CSMD3: variants seen among roughly 807,000 people sequenced by gnomAD.
The protein encoded by CSMD3 is CUB and sushi domain-containing protein 3.
Under a neutral mutation model 435.2 loss-of-function variants are expected in CSMD3, and 177 were observed. The observed-to-expected ratio is 0.41, with a 90% CI of 0.36 to 0.46. The LOEUF (loss-of-function observed/expected upper bound fraction) is 0.46, where lower values mean the gene tolerates loss of function less well. Ranked by LOEUF, CSMD3 falls within the 20% of genes least tolerant of loss-of-function variation. The probability of loss-of-function intolerance (pLI) is 0.34; values close to 1 mark genes in which losing one functional copy is unlikely to be tolerated. For synonymous variants in CSMD3, 1,656 were observed against 1,520.5 expected, an observed-to-expected ratio of 1.09 and a Z score of -2.07; for missense variants, 4,265 against 4,504.6, an observed-to-expected ratio of 0.95 and a Z score of 1.52.
chr8:112,905,153 T>C (rs10112430), intron 10 of CSMD3, among the ~76,000 whole-genome samples: 2,097 of 151,422 alleles, frequency 0.014, 54 homozygotes, highest in African/African-American at 0.048. Flanking sequence ...CCTTAGCTTA[T>C]GATGTTTTGG....
chr8:113,267,746 T>C (rs1237177964), intron 3 of CSMD3, among the ~76,000 whole-genome samples: 2 of 151,596 alleles, frequency 1.3e-5, no homozygotes, highest in Admixed American at 1.3e-4. Context: ...ACCCTAAATA[T>C]CTGACTCAAT....
At position 112,645,140 on chromosome 8, in the gene CSMD3, A is replaced by G. The variant is rs373051071; in HGVS notation, c.3279T>C (p.Cys1093=). ...CATGGGTTACATCAACAGTCCATGT[A>G]CAATTCAGAGAATTTGGATAAAATT... ...YPEFYPNSLN[C]TWTVDVTHGK... The change falls in exon 20 of 71, where the codon TGT becomes TGC. Residue 1093 remains cysteine, a synonymous_variant. Coordinates refer to ENST00000297405, the MANE Select transcript of CSMD3 (RefSeq NM_198123.2). The G allele has an allele frequency of 8.7e-5, 139 of 1,599,926 alleles. No individual in the cohort carries two copies. Among genetic ancestry groups the G allele is most frequent in the Non-Finnish European group, 1.1e-4 (131 of 1,167,258 alleles).
chr8:112,535,371 C>A (rs1825967918), intron 27 of CSMD3, among the ~76,000 whole-genome samples: 2 of 152,050 alleles, frequency 1.3e-5, no homozygotes, highest in Non-Finnish European at 2.9e-5. Context: ...TTCTTATACA[C>A]CAATAACAGA....
At chr8:113,099,581 A>G (rs908562972) in intron 4 of CSMD3, among the ~76,000 whole-genome samples, 2 of 152,122 alleles carry the variant, frequency 1.3e-5, no homozygotes, top group African/African-American at 4.8e-5. Flanking sequence ...AAATCAAACA[A>G]TGTATCTTTT....
At chr8:112,921,877 C>A in intron 9 of CSMD3, 126 bp from the exon 10 acceptor site, 1 of 732,054 alleles carries the variant, frequency 1.4e-6, no homozygotes, top group East Asian at 2.7e-5. Flanking sequence ...TTTTGGAAAA[C>A]AAAATGTGAA....
chr8:112,445,205 C>T (rs117852635), intron 32 of CSMD3, among the ~76,000 whole-genome samples: 104 of 152,106 alleles, frequency 6.8e-4, no homozygotes, highest in East Asian at 4.3e-3. Context: ...ATTGCACCAC[C>T]GCACTCCAGC....
chr8:112,435,733 T>A (rs1031095385), intron 32 of CSMD3, among the ~76,000 whole-genome samples: 5 of 152,022 alleles, frequency 3.3e-5, no homozygotes, highest in African/African-American at 1.2e-4. Context: ...ACTTTCAAGA[T>A]AACTTAAAAA....
At chr8:113,249,453 T>C (rs1018111158) in intron 3 of CSMD3, among the ~76,000 whole-genome samples, 1 of 152,008 alleles carries the variant, frequency 6.6e-6, no homozygotes, top group African/African-American at 2.4e-5. Context: ...AGATAGTAGT[T>C]ACTTGCCTCC....
chr8:113,297,693 C>G (rs1156957238), intron 2 of CSMD3, among the ~76,000 whole-genome samples: 5 of 151,976 alleles, frequency 3.3e-5, no homozygotes, highest in Admixed American at 2.6e-4. Flanking sequence ...CAAAAAGATT[C>G]ATAGTCTATT....
intron 3 of CSMD3, among the ~76,000 whole-genome samples, chr8:113,272,178 G>A (rs1327371015): frequency 1.3e-5 from 2 of 152,158 alleles, no homozygotes; most frequent in African/African-American, 4.8e-5. Context: ...TTTGGACTGT[G>A]GACTTCTGGG....
At chr8:112,784,537 A>G (rs1207811310) in intron 13 of CSMD3, among the ~76,000 whole-genome samples, 1 of 152,018 alleles carries the variant, frequency 6.6e-6, no homozygotes, top group Admixed American at 6.6e-5. Flanking sequence ...CTAAGATACA[A>G]AAAGAGATGA....
intron 1 of CSMD3, among the ~76,000 whole-genome samples, chr8:113,415,920 G>A (rs568221838): frequency 8.6e-5 from 13 of 152,020 alleles, no homozygotes; most frequent in Middle Eastern, 6.8e-3. Context: ...ATGGCCTACC[G>A]TATTTACATT....
intron 10 of CSMD3, among the ~76,000 whole-genome samples, chr8:112,869,892 C>G (rs2081083390): frequency 6.6e-6 from 1 of 151,832 alleles, no homozygotes; most frequent in Non-Finnish European, 1.5e-5. Context: ...GGGTGGGGGA[C>G]AAGGGGAGGG....
chr8:112,949,436 C>T (rs1467533963), intron 8 of CSMD3, among the ~76,000 whole-genome samples: 4 of 151,858 alleles, frequency 2.6e-5, no homozygotes, highest in Admixed American at 6.6e-5. Flanking sequence ...TTACTTTTGC[C>T]GATTCTACTA....
intron 22 of CSMD3, among the ~76,000 whole-genome samples, chr8:112,605,679 A>C (rs995154449): frequency 6.6e-6 from 1 of 151,880 alleles, no homozygotes; most frequent in African/African-American, 2.4e-5. Context: ...ACTACCTATT[A>C]GGTACTATGC....
chr8:112,730,307 A>G (rs1391710820), intron 13 of CSMD3, among the ~76,000 whole-genome samples: 5 of 152,146 alleles, frequency 3.3e-5, no homozygotes, highest in Non-Finnish European at 7.3e-5. Flanking sequence ...GAAAGAATTA[A>G]GGTCACTGAC....
chr8:113,373,718 CA>C (rs541359666), intron 1 of CSMD3, among the ~76,000 whole-genome samples: 9 of 152,062 alleles, frequency 5.9e-5, no homozygotes, highest in African/African-American at 1.9e-4. Context: ...TTAAAAGATA[CA>C]AAAACCTAGG....
chr8:112,735,325 T>C (rs1474970691), intron 13 of CSMD3, among the ~76,000 whole-genome samples: 1 of 152,008 alleles, frequency 6.6e-6, no homozygotes. Flanking sequence ...TATAAGTTTG[T>C]TACTTCATAC....
intron 13 of CSMD3, among the ~76,000 whole-genome samples, chr8:112,711,986 G>A (rs972978015): frequency 2.6e-5 from 4 of 152,232 alleles, no homozygotes; most frequent in African/African-American, 4.8e-5. Flanking sequence ...AGCTACTGGC[G>A]GTATGTGGAC....
Sources: allele counts gnomAD v4.1 joint callset (sites outside exome capture counted in the v4.1 genomes callset), GRCh38; gene constraint gnomAD v4.1.1; transcripts MANE v1.5; gene names NCBI Gene and HGNC (gene_info 2026-07-23, HGNC 2026-07-21).